CDH8: variants seen among roughly 807,000 people sequenced by gnomAD.
CDH8 encodes cadherin 8.
A neutral mutation model predicts 68.1 loss-of-function variants in CDH8; 17 were observed. The observed-to-expected ratio is 0.25, with a 90% confidence interval of 0.17 to 0.37. The LOEUF (loss-of-function observed/expected upper bound fraction) is 0.37, where lower values mean the gene tolerates loss of function less well. CDH8 is among the 10% of genes least tolerant of loss of function. CDH8 has a pLI of 1.00. For synonymous variants in CDH8, 372 were observed against 365.1 expected (o/e 1.02, Z -0.21); for missense variants, 763 against 999.3 (o/e 0.76, Z 3.19).
At position 61,853,675 on chromosome 16, in the gene CDH8, T is replaced by C. The variant is rs201811408; in HGVS notation, c.667+3444A>G. On this transcript the variant is annotated intron_variant, in intron 4 of 11. Transcript: ENST00000577390. ...AGACCTATCATGTAAAGAACCATCT[T>C]ATTAGGTGCTCTCAGAGGTATGTGG... Among the ~76,000 whole-genome samples the C allele has an allele frequency of 7.2e-5, 11 of 152,210 alleles. No individual in the cohort carries two copies. The East Asian group carries it at 1.4e-3, about 19-fold the overall frequency.
At chr16:61,989,457 A>G (rs1050719676) in intron 2 of CDH8, among the ~76,000 whole-genome samples, 3 of 152,282 alleles carry the variant, frequency 2.0e-5, no homozygotes, top group African/African-American at 4.8e-5. Flanking sequence ...CGTAACTTCA[A>G]CTTGGTGCCC....
At chr16:61,671,906 C>T (rs1025602587) in intron 10 of CDH8, among the ~76,000 whole-genome samples, 1 of 151,810 alleles carries the variant, frequency 6.6e-6, no homozygotes, top group Admixed American at 6.6e-5. Context: ...GTAGGTCACC[C>T]TTATGATTGA....
chr16:61,773,421 T>C (rs1960828155), intron 8 of CDH8, among the ~76,000 whole-genome samples: 1 of 152,130 alleles, frequency 6.6e-6, no homozygotes, highest in African/African-American at 2.4e-5. Flanking sequence ...GCACAGTTGG[T>C]GCAAATGGAA....
intron 4 of CDH8, among the ~76,000 whole-genome samples, chr16:61,844,052 T>C (rs1321985763): frequency 6.6e-6 from 1 of 151,620 alleles, no homozygotes; most frequent in South Asian, 2.1e-4. Flanking sequence ...ATAGACTGGA[T>C]TAAGAAAATG....
In CDH8 at chr16:62,021,451, T is replaced by C. The variant is rs372670578; in HGVS notation, c.-48A>G. On this transcript the variant is annotated 5_prime_UTR_variant, in exon 2 of 12. Transcript: ENST00000577390. ...ACCACGAAAATGAGACAATTATTTT[T>C]TTTGTCTCCGGTCTGCAGCCATCCA... 93 of 1,560,502 alleles carry C rather than the reference T, an allele frequency of 6.0e-5. No homozygotes were observed. The highest frequency in any genetic ancestry group is 7.2e-5 in the Non-Finnish European group (83 of 1,153,314).
intron 4 of CDH8, among the ~76,000 whole-genome samples, chr16:61,828,217 C>T (rs909438305): frequency 1.3e-5 from 2 of 151,848 alleles, no homozygotes; most frequent in African/African-American, 4.8e-5. Flanking sequence ...ACGAATGCCA[C>T]GGCAACTTCA....
chr16:61,658,496 T>G (rs1963495295), intron 10 of CDH8, among the ~76,000 whole-genome samples: 1 of 152,036 alleles, frequency 6.6e-6, no homozygotes. Flanking sequence ...ATGGAGTAAC[T>G]TATAACTTAC....
At chr16:61,782,037 T>G (rs1174427870) in intron 8 of CDH8, among the ~76,000 whole-genome samples, 2 of 152,206 alleles carry the variant, frequency 1.3e-5, no homozygotes, top group African/African-American at 4.8e-5. Context: ...TGACTGCATG[T>G]TCTCTGCCTG....
At chr16:61,914,894 G>A (rs534739365) in intron 2 of CDH8, among the ~76,000 whole-genome samples, 77 of 152,270 alleles carry the variant, frequency 5.1e-4, no homozygotes, top group African/African-American at 1.8e-3. Flanking sequence ...TGAGACCTGT[G>A]TTAGACTTCT....
chr16:61,716,460 G>A (rs180711873), intron 9 of CDH8, among the ~76,000 whole-genome samples: 84 of 151,704 alleles, frequency 5.5e-4, no homozygotes, highest in Admixed American at 4.7e-3. Flanking sequence ...GCAATTTATT[G>A]AGCCACTGGA....
intron 2 of CDH8, among the ~76,000 whole-genome samples, chr16:61,962,513 G>A (rs962909998): frequency 6.6e-6 from 1 of 152,128 alleles, no homozygotes; most frequent in Admixed American, 6.6e-5. Flanking sequence ...CCTGCCCTTC[G>A]AAGAGAGTTC....
At chr16:61,751,055 A>G (rs1451905951) in intron 8 of CDH8, among the ~76,000 whole-genome samples, 1 of 152,152 alleles carries the variant, frequency 6.6e-6, no homozygotes, top group Admixed American at 6.6e-5. Flanking sequence ...GGAAGGGAAG[A>G]GAAAAAAGAA....
chr16:61,651,847 C>T lies in CDH8; in HGVS notation c.*1761G>A, dbSNP rs1963330080. On this transcript the variant is annotated 3_prime_UTR_variant, in exon 12 of 12. Transcript: ENST00000577390. ...CCCTGCTGGTATCTTGCTGTGTGAT[C>T]ACTGGCAAGCCATTTCTCTTCTCTG... The T allele has an allele frequency of 6.5e-6, 1 of 153,500 alleles. No individual in the cohort carries two copies. The allele number at this position is 153,500 out of a possible 1,614,324, so 9.5% of individuals were successfully genotyped here.
intron 2 of CDH8, among the ~76,000 whole-genome samples, chr16:61,996,530 A>T (rs1016065012): frequency 2.6e-5 from 4 of 152,224 alleles, no homozygotes; most frequent in Non-Finnish European, 5.9e-5. Context: ...TTGACATTCC[A>T]TAAAGCTACG....
chr16:61,929,500 G>A (rs1964507695), intron 2 of CDH8, among the ~76,000 whole-genome samples: 1 of 152,136 alleles, frequency 6.6e-6, no homozygotes, highest in Admixed American at 6.6e-5. Context: ...CTATTATACT[G>A]ACTGAGCTTA....
chr16:61,871,832 A>AC (rs1242340104), intron 3 of CDH8, among the ~76,000 whole-genome samples: 1 of 148,056 alleles, frequency 6.8e-6, no homozygotes, highest in African/African-American at 2.5e-5. Context: ...AAAAAAAAAA[A>AC]AAAAAAAAAA....
intron 2 of CDH8, among the ~76,000 whole-genome samples, chr16:61,911,166 G>A (rs1052017960): frequency 5.3e-5 from 8 of 151,832 alleles, no homozygotes; most frequent in African/African-American, 1.2e-4. Context: ...AAGGATGGAC[G>A]GATGGATGGA....
intron 2 of CDH8, among the ~76,000 whole-genome samples, chr16:61,974,038 G>T (rs1965392095): frequency 6.6e-6 from 1 of 152,118 alleles, no homozygotes; most frequent in Non-Finnish European, 1.5e-5. Flanking sequence ...GGTCTGATTA[G>T]TCCCATTCTG....
At chr16:61,769,184 T>C (rs1960713583) in intron 8 of CDH8, among the ~76,000 whole-genome samples, 2 of 151,782 alleles carry the variant, frequency 1.3e-5, no homozygotes, top group Admixed American at 1.3e-4. Flanking sequence ...TATAAAAAAG[T>C]ATTTCAACCT....
Sources: allele counts gnomAD v4.1 joint callset (sites outside exome capture counted in the v4.1 genomes callset), GRCh38; gene constraint gnomAD v4.1.1; transcripts MANE v1.5; gene names NCBI Gene and HGNC (gene_info 2026-07-23, HGNC 2026-07-21).